MAST4: variants seen among roughly 807,000 people sequenced by gnomAD.
MAST4 encodes microtubule associated serine/threonine kinase family member 4, also known as microtubule-associated serine/threonine-protein kinase 4.
Under a neutral mutation model 162.7 loss-of-function variants are expected in MAST4, and 89 were observed. That is an observed-to-expected ratio of 0.55 (90% CI 0.46 to 0.65). The LOEUF is 0.65. MAST4 is among the 30% of genes least tolerant of loss of function. The pLI is 0.00. For synonymous variants in MAST4, 1,479 were observed against 1,361.1 expected (o/e 1.09, Z -1.91); for missense variants, 3,153 against 3,374.0 (o/e 0.93, Z 1.62).
intron 4 of MAST4, chr5:67,001,886 TC>T (rs1261834668): frequency 6.6e-6 from 1 of 152,244 alleles, no homozygotes; most frequent in Non-Finnish European, 1.5e-5. Context: ...TCTCATAGTT[TC>T]ACATAGCTGT....
chr5:66,651,522 G>A (rs913161254), intron 1 of MAST4, among the ~76,000 whole-genome samples: 2 of 152,016 alleles, frequency 1.3e-5, no homozygotes, highest in African/African-American at 4.8e-5. Context: ...GCAACCAATA[G>A]TGATTGTTAC....
At chr5:66,754,229 G>A (rs998846524) in intron 1 of MAST4, among the ~76,000 whole-genome samples, 15 of 152,156 alleles carry the variant, frequency 9.9e-5, no homozygotes, top group South Asian at 2.1e-4. Context: ...GAGGAGTGGA[G>A]TAGGAAAAGA....
At chr5:66,950,342 G>A (rs1049234864) in intron 4 of MAST4, among the ~76,000 whole-genome samples, 4 of 151,444 alleles carry the variant, frequency 2.6e-5, no homozygotes, top group African/African-American at 9.7e-5. Context: ...TCACAGAGTT[G>A]TGTAAGTATC....
chr5:66,772,944 T>G (rs2149641294), intron 2 of MAST4, among the ~76,000 whole-genome samples: 1 of 152,330 alleles, frequency 6.6e-6, no homozygotes, highest in Middle Eastern at 3.4e-3. Context: ...CTTGAACCCC[T>G]GTGCACACAC....
At chr5:66,940,326 A>G (rs556027599) in intron 4 of MAST4, among the ~76,000 whole-genome samples, 11 of 152,010 alleles carry the variant, frequency 7.2e-5, no homozygotes, top group Non-Finnish European at 1.0e-4. Flanking sequence ...ACAGCAGTGG[A>G]CTCTTTCTTT....
intron 4 of MAST4, among the ~76,000 whole-genome samples, chr5:67,036,184 C>T (rs1355130581): frequency 6.6e-6 from 1 of 152,132 alleles, no homozygotes; most frequent in Non-Finnish European, 1.5e-5. Flanking sequence ...AAGAATACCA[C>T]AAATTAGTAT....
intron 3 of MAST4, among the ~76,000 whole-genome samples, chr5:66,885,801 G>T (rs1308853008): frequency 6.6e-6 from 1 of 152,114 alleles, no homozygotes; most frequent in African/African-American, 2.4e-5. Context: ...AGATACATCA[G>T]CATAACTACC....
At chr5:67,036,641 T>G (rs1244934673) in intron 4 of MAST4, among the ~76,000 whole-genome samples, 1 of 152,168 alleles carries the variant, frequency 6.6e-6, no homozygotes. Context: ...TAACACCTAA[T>G]GTGATGTAAA....
At chr5:67,097,877 G>A (rs1031335432) in intron 7 of MAST4, among the ~76,000 whole-genome samples, 1 of 152,070 alleles carries the variant, frequency 6.6e-6, no homozygotes, top group African/African-American at 2.4e-5. Context: ...TAAAAGTGAT[G>A]AGCGAAAACT....
At chr5:66,682,215 C>T (rs147957207) in intron 1 of MAST4, among the ~76,000 whole-genome samples, 45 of 152,240 alleles carry the variant, frequency 3.0e-4, no homozygotes, top group African/African-American at 9.6e-4. Context: ...CCCCACACCC[C>T]AGAAATGGAT....
chr5:66,999,926 A>C (rs1336545687), intron 4 of MAST4, among the ~76,000 whole-genome samples: 1 of 152,146 alleles, frequency 6.6e-6, no homozygotes, highest in Non-Finnish European at 1.5e-5. Flanking sequence ...TAGCATTGTG[A>C]GTGCAAATTT....
intron 1 of MAST4, among the ~76,000 whole-genome samples, chr5:66,643,878 G>GT (rs71610525): frequency 0.12 from 16,967 of 141,884 alleles, 1,302 homozygotes; most frequent in East Asian, 0.43. Flanking sequence ...AATAGCTTGT[G>GT]TTTTTTTTTT....
At chr5:67,113,759 G>A (rs1766544937) in intron 11 of MAST4, among the ~76,000 whole-genome samples, 1 of 152,150 alleles carries the variant, frequency 6.6e-6, no homozygotes, top group Non-Finnish European at 1.5e-5. Context: ...AACTTTGCTA[G>A]AAAGGCACAA....
At position 66,814,479 on chromosome 5, in the gene MAST4, T is replaced by C. The variant is rs527490162; in HGVS notation, c.642+25685T>C. Among the ~76,000 whole-genome samples, 11 of 152,284 alleles carry C rather than the reference T, an allele frequency of 7.2e-5. No individual in the cohort carries two copies. In the South Asian group the frequency reaches 2.3e-3, roughly 32 times the overall value. ...TTCTGGCTCATTCAGAGCATCACCT[T>C]CTAGAGCACCTTTGATGGGACAGGC... On this transcript the variant is annotated intron_variant, in intron 3 of 28. Transcript: ENST00000403625.
intron 2 of MAST4, among the ~76,000 whole-genome samples, chr5:66,772,102 G>T (rs927509705): frequency 6.6e-6 from 1 of 152,178 alleles, no homozygotes; most frequent in East Asian, 1.9e-4. Context: ...ACAATTAACA[G>T]CGTGAAAGAT....
chr5:66,827,536 A>G (rs1004260373), intron 3 of MAST4, among the ~76,000 whole-genome samples: 1 of 152,224 alleles, frequency 6.6e-6, no homozygotes, highest in Non-Finnish European at 1.5e-5. Context: ...GAGCAAGCGT[A>G]TTAGTGTGTT....
intron 24 of MAST4, among the ~76,000 whole-genome samples, chr5:67,150,706 G>A (rs1216900244): frequency 1.3e-5 from 2 of 152,120 alleles, no homozygotes; most frequent in South Asian, 2.1e-4. Flanking sequence ...AAGAAGTGGG[G>A]GCCTGGCCTT....
chr5:66,845,085 T>TTATATTTATATATATA (rs1554058454), intron 3 of MAST4, among the ~76,000 whole-genome samples: 1 of 57,972 alleles, frequency 1.7e-5, no homozygotes, highest in Admixed American at 2.3e-4. Context: ...TCACTAATCT[T>TTATATTTATATATATA]TATATATATA....
intron 4 of MAST4, among the ~76,000 whole-genome samples, chr5:66,991,594 C>T (rs1197591467): frequency 6.6e-6 from 1 of 152,150 alleles, no homozygotes; most frequent in Non-Finnish European, 1.5e-5. Flanking sequence ...CCTGGCAGCT[C>T]ACTGAAGTAT....
Sources: allele counts gnomAD v4.1 joint callset (sites outside exome capture counted in the v4.1 genomes callset), GRCh38; gene constraint gnomAD v4.1.1; transcripts MANE v1.5; gene names NCBI Gene and HGNC (gene_info 2026-07-23, HGNC 2026-07-21).